KCNV1: variants seen among roughly 807,000 people sequenced by gnomAD.
KCNV1 encodes potassium voltage-gated channel modifier subfamily V member 1.
In KCNV1, 2 loss-of-function variants were observed where a neutral mutation model predicts 36.4. That is an observed-to-expected ratio of 0.05 (90% confidence interval 0.02 to 0.17). The LOEUF is 0.17. Among genes scored for constraint, KCNV1 ranks in the 10% least tolerant of loss-of-function variants. KCNV1 has a pLI of 1.00. For synonymous variants in KCNV1, 280 were observed against 261.1 expected (o/e 1.07, Z -0.70); for missense variants, 321 against 643.6 (o/e 0.50, Z 5.42).
rs1819914699 is a variant in KCNV1 at position 109,963,898 on chromosome 8, C to G, written c.*4190G>C. 2 of 152,026 alleles carry G rather than the reference C, an allele frequency of 1.3e-5. No homozygotes were observed. The highest frequency in any genetic ancestry group is 2.4e-5 in the African/African-American group (1 of 41,382). The allele number at this position is 152,026 out of a possible 1,614,324, so 9.4% of individuals were successfully genotyped here. A position where few individuals can be genotyped will look rare whatever the true frequency, so the allele number is the denominator to read the frequency against. ...TGCTTTTTTAGGTACTTAAGCATTG[C>G]CTATATGCATTTAAATGTCTGAAAG... On this transcript the variant is annotated 3_prime_UTR_variant, in exon 4 of 4. Coordinates refer to ENST00000524391, the MANE Select transcript of KCNV1 (RefSeq NM_014379.4).
chr8:109,971,849 T>C (rs541306115), intron 3 of KCNV1, among the ~76,000 whole-genome samples: 30 of 152,322 alleles, frequency 2.0e-4, no homozygotes, highest in African/African-American at 6.0e-4. Flanking sequence ...ACTTCTCGGA[T>C]ACTGAAGAGA....
rs2130894192 is a variant in KCNV1, at chr8:109,965,775, T to C, written c.*2313A>G. 6.6e-6 allele frequency: 1 copy of C among 152,340 alleles called. No individual in the cohort carries two copies. Among genetic ancestry groups the C allele is most frequent in the South Asian group, 2.1e-4 (1 of 4,830 alleles). The allele number at this position is 152,340 out of a possible 1,614,324, so 9.4% of individuals were successfully genotyped here. On this transcript the variant is annotated 3_prime_UTR_variant, in exon 4 of 4. Transcript: ENST00000524391. Reference sequence around the variant, plus strand: ...ACTTAAGGCATATTGAACTTCTCCATGCACAAGAAGTTGGCTTGCCTGCCT... The same window carrying C: ...ACTTAAGGCATATTGAACTTCTCCACGCACAAGAAGTTGGCTTGCCTGCCT...
At chr8:109,975,363 C>G (rs1035274373) in intron 1 of KCNV1, among the ~76,000 whole-genome samples, 171 bp from the exon 2 acceptor site, 16 of 152,114 alleles carry the variant, frequency 1.1e-4, no homozygotes, top group Non-Finnish European at 1.3e-4. Context: ...ACAAGTTTCC[C>G]GGAGAGCAGG....
chr8:109,973,902 C>T, intron 2 of KCNV1, 26 bp downstream of exon 2: 2 of 1,543,040 alleles, frequency 1.3e-6, no homozygotes, highest in Non-Finnish European at 1.8e-6. Flanking sequence ...GCCTCCCCGC[C>T]CAGCCGCCGC....
At chr8:109,971,524 TTGTG>T (rs1379719251) in intron 3 of KCNV1, among the ~76,000 whole-genome samples, 1 of 152,074 alleles carries the variant, frequency 6.6e-6, no homozygotes, top group African/African-American at 2.4e-5. Flanking sequence ...TCTTATGTGT[TTGTG>T]TGTGTGTTAT....
chr8:109,973,401 C>CT (rs1390817189), intron 2 of KCNV1, among the ~76,000 whole-genome samples: 10 of 152,126 alleles, frequency 6.6e-5, no homozygotes, highest in African/African-American at 2.2e-4. Flanking sequence ...GCAGGTGGAA[C>CT]TTTTTTGTGT....
rs1477211736 is a variant in KCNV1 at position 109,972,829 on chromosome 8, A to G, written c.462-42T>C. On this transcript the variant is annotated intron_variant, in intron 2 of 3. Coordinates refer to ENST00000524391, the MANE Select transcript of KCNV1 (RefSeq NM_014379.4). This position sits in a 1 kb window ranked among gnomAD's most constrained non-coding sequence, Gnocchi z 5.2. ...TTTGGTGATTAGTCTAACTTTATTA[A>G]AATACAGAAGTATAAGATAATTAAA... 4 of 1,451,266 alleles carry G rather than the reference A, an allele frequency of 2.8e-6. No homozygotes were observed. The Admixed American group carries it at 8.6e-5, about 31-fold the overall frequency. The allele number at this position is 1,451,266 out of a possible 1,614,324, so 89.9% of individuals were successfully genotyped here.
Position 109,964,506 on chromosome 8 carries a change from A to G in KCNV1, c.*3582T>C, listed in dbSNP as rs557394656. On this transcript the variant is annotated 3_prime_UTR_variant, in exon 4 of 4. Coordinates refer to ENST00000524391, the MANE Select transcript of KCNV1 (RefSeq NM_014379.4). The stretch of plus-strand genomic sequence containing the variant: ...AATCCCATTAATGGGTATATACCCA[A>G]GAAATATAAATTGTTTTATTATAAA... 2.0e-5 allele frequency: 3 copies of G among 152,378 alleles called. No homozygotes were observed. The South Asian group carries it at 6.2e-4, about 32-fold the overall frequency. The allele number at this position is 152,378 out of a possible 1,614,324, so 9.4% of individuals were successfully genotyped here.
chr8:109,965,100 C>G lies in KCNV1; in HGVS notation c.*2988G>C, dbSNP rs1392359787. ...GCGGGCGCCTCTAGTCCCAGCTACT[C>G]GCGAGGTTGACGCAGGAGAATGGTG... On this transcript the variant is annotated 3_prime_UTR_variant, in exon 4 of 4. Coordinates refer to ENST00000524391, the MANE Select transcript of KCNV1 (RefSeq NM_014379.4). The G allele has an allele frequency of 1.3e-5, 2 of 152,204 alleles. No homozygotes were observed. Among genetic ancestry groups the G allele is most frequent in the Admixed American group, 1.3e-4 (2 of 15,272 alleles). The allele number at this position is 152,204 out of a possible 1,614,324, so 9.4% of individuals were successfully genotyped here.
In KCNV1 at chr8:109,974,457, G is replaced by A. The variant is rs1047067855; in HGVS notation, c.-69C>T. On this transcript the variant is annotated 5_prime_UTR_variant, in exon 2 of 4. Transcript: ENST00000524391. This position sits in a 1 kb window ranked among gnomAD's most constrained non-coding sequence, Gnocchi z 6.2. Reference sequence around the variant, plus strand: ...GACACGCCGGAAGCTTTGGTCCCGCGAGGGCGGTGGCACGGCCCCTGGTGG... The same window carrying A: ...GACACGCCGGAAGCTTTGGTCCCGCAAGGGCGGTGGCACGGCCCCTGGTGG... The A allele has an allele frequency of 5.0e-6, 6 of 1,191,254 alleles. No individual in the cohort carries two copies. The highest frequency in any genetic ancestry group is 2.9e-5 in the Admixed American group (1 of 34,500). 73.8% of individuals were successfully genotyped at this position (1,191,254 alleles called of 1,614,324 possible).
rs1326493507 is a variant in KCNV1, at chr8:109,965,233, A to G, written c.*2855T>C. 1 of 152,162 alleles carries G rather than the reference A, an allele frequency of 6.6e-6. No homozygotes were observed. The highest frequency in any genetic ancestry group is 1.5e-5 in the Non-Finnish European group (1 of 68,010). The allele number at this position is 152,162 out of a possible 1,614,324, so 9.4% of individuals were successfully genotyped here. A position where few individuals can be genotyped will look rare whatever the true frequency, so the allele number is the denominator to read the frequency against. On this transcript the variant is annotated 3_prime_UTR_variant, in exon 4 of 4. Transcript: ENST00000524391. ...CAAAAAACCAAACCAAAACAAAACAAAGAAAGTAGTGTTCTCTAAATAGCT... is the reference window on the plus strand; with the variant it reads ...CAAAAAACCAAACCAAAACAAAACAGAGAAAGTAGTGTTCTCTAAATAGCT...
rs1230567031 is a variant in KCNV1 at position 109,974,943 on chromosome 8, A to G, written c.-555T>C. On this transcript the variant is annotated 5_prime_UTR_variant, in exon 2 of 4. Transcript: ENST00000524391. The surrounding 1 kb of genome is among the most constrained non-coding windows in gnomAD (Gnocchi z 6.2). ...GACTCACTCCTGCCCGCAGGAGACC[A>G]AAACAAAAAGTTCAGAAAGCAAAGG... 3 of 154,142 alleles carry G rather than the reference A, an allele frequency of 1.9e-5. No homozygotes were observed. In the East Asian group the frequency reaches 5.8e-4, roughly 30 times the overall value. 9.5% of individuals were successfully genotyped at this position (154,142 alleles called of 1,614,324 possible). A position where few individuals can be genotyped will look rare whatever the true frequency, so the allele number is the denominator to read the frequency against.
At chr8:109,973,147 A>G (rs539144768) in intron 2 of KCNV1, among the ~76,000 whole-genome samples, 1 of 151,874 alleles carries the variant, frequency 6.6e-6, no homozygotes, top group Admixed American at 6.6e-5. Context: ...CCCCCGGGTA[A>G]TTTTTGTATT....
At chr8:109,973,123 A>C (rs1306992076) in intron 2 of KCNV1, among the ~76,000 whole-genome samples, 4 of 151,558 alleles carry the variant, frequency 2.6e-5, no homozygotes, top group Non-Finnish European at 5.9e-5. Flanking sequence ...GATTACAGGT[A>C]CGCACCACCA....
At chr8:109,971,355 C>A (rs1217801657) in intron 3 of KCNV1, among the ~76,000 whole-genome samples, 1 of 152,032 alleles carries the variant, frequency 6.6e-6, no homozygotes, top group Non-Finnish European at 1.5e-5. Flanking sequence ...GCCTGGGGAT[C>A]CTTATTTTCA....
intron 3 of KCNV1, among the ~76,000 whole-genome samples, chr8:109,969,036 T>C (rs1819978111): frequency 6.6e-6 from 1 of 152,216 alleles, no homozygotes; most frequent in Non-Finnish European, 1.5e-5. Context: ...TTGTTTCAAA[T>C]GCCAGTTTTA....
At chr8:109,970,909 G>C (rs1168045976) in intron 3 of KCNV1, among the ~76,000 whole-genome samples, 4 of 152,122 alleles carry the variant, frequency 2.6e-5, no homozygotes, top group Non-Finnish European at 5.9e-5. Flanking sequence ...AGTGGTACTT[G>C]TAAAAGTTAT....
Position 109,973,908 on chromosome 8 carries a change from G to C in KCNV1, c.461+20C>G. On this transcript the variant is annotated intron_variant, in intron 2 of 3. Coordinates refer to ENST00000524391, the MANE Select transcript of KCNV1 (RefSeq NM_014379.4). ...GCCGCGCCCGCCTCCCCGCCCAGCC[G>C]CCGCGTGCCTCCGGGGTACCTGTCC... is the stretch of plus-strand genomic sequence containing the variant. 6.4e-7 allele frequency: 1 copy of C among 1,554,258 alleles called. No individual in the cohort carries two copies. The highest frequency in any genetic ancestry group is 8.7e-7 in the Non-Finnish European group (1 of 1,148,624).
Position 109,974,487 on chromosome 8 carries a change from C to A in KCNV1, c.-99G>T. ...CGGTGGCACGGCCCCTGGTGGCGGCCGGGATTCCCCGGGCTCCCGAAGGGG... is the reference window on the plus strand; with the variant it reads ...CGGTGGCACGGCCCCTGGTGGCGGCAGGGATTCCCCGGGCTCCCGAAGGGG... On this transcript the variant is annotated 5_prime_UTR_variant, in exon 2 of 4. Coordinates refer to ENST00000524391, the MANE Select transcript of KCNV1 (RefSeq NM_014379.4). This position sits in a 1 kb window ranked among gnomAD's most constrained non-coding sequence, Gnocchi z 6.2. The A allele has an allele frequency of 1.2e-6, 1 of 825,044 alleles. No individual in the cohort carries two copies. The highest frequency in any genetic ancestry group is 1.8e-6 in the Non-Finnish European group (1 of 543,630). 51.1% of individuals were successfully genotyped at this position (825,044 alleles called of 1,614,324 possible). A position where few individuals can be genotyped will look rare whatever the true frequency, so the allele number is the denominator to read the frequency against.
Sources: gnomAD v4.1 joint callset for allele counts (sites outside exome capture counted in the v4.1 genomes callset) on GRCh38, gnomAD v4.1.1 for gene constraint, Gnocchi (gnomAD v3.1) non-coding constraint, MANE v1.5 for transcripts, NCBI Gene and HGNC (gene_info 2026-07-23, HGNC 2026-07-21) for gene names.